Variants in SVOP observed in about 807,000 individuals in gnomAD.
SVOP encodes the protein synaptic vesicle 2-related protein.
Under a neutral mutation model 69.1 loss-of-function variants are expected in SVOP, and 17 were observed. The ratio of observed to expected loss-of-function variants is 0.25; its 90% CI spans 0.17 to 0.37. The LOEUF is 0.37. SVOP is among the 10% of genes least tolerant of loss of function. SVOP has a pLI of 1.00. For missense variants in SVOP, 435 were observed against 597.5 expected (o/e 0.73, Z 2.84); for synonymous variants, 238 against 238.6 (o/e 1.00, Z 0.02).
Position 108,938,772 on chromosome 12 carries a change from C to G in SVOP, c.897+55G>C, listed in dbSNP as rs1010409967. 13 of 1,611,496 alleles carry G rather than the reference C, an allele frequency of 8.1e-6. No homozygotes were observed. The African/African-American group carries it at 1.3e-4, about 17-fold the overall frequency. On this transcript the variant is annotated intron_variant, in intron 9 of 15. Coordinates refer to ENST00000610966, the MANE Select transcript of SVOP (RefSeq NM_018711.5). ...ATGCCCTACTCCATATGCACACACTCCCCTGCATGCACCCCGATACGCACA... is the reference window on the plus strand; with the variant it reads ...ATGCCCTACTCCATATGCACACACTGCCCTGCATGCACCCCGATACGCACA...
Position 109,020,932 on chromosome 12 carries a change from C to T in SVOP, c.-64G>A. 1.4e-6 allele frequency: 1 copy of T among 701,722 alleles called. No individual in the cohort carries two copies. The highest frequency in any genetic ancestry group is 2.1e-5 in the Admixed American group (1 of 48,028). 43.5% of individuals were successfully genotyped at this position (701,722 alleles called of 1,614,324 possible). A position where few individuals can be genotyped will look rare whatever the true frequency, so the allele number is the denominator to read the frequency against. ...TACATGGTAGTGGTGGATGACGAGCCCTCCGGTTTTCAGCACCGGGAAGCT... is the reference window on the plus strand; with the variant it reads ...TACATGGTAGTGGTGGATGACGAGCTCTCCGGTTTTCAGCACCGGGAAGCT... On this transcript the variant is annotated 5_prime_UTR_variant, in exon 1 of 16. Transcript: ENST00000610966.
intron 4 of SVOP, 100 bp from the exon 5 acceptor site, chr12:108,972,576 G>T: frequency 8.3e-7 from 1 of 1,210,138 alleles, no homozygotes; most frequent in Non-Finnish European, 1.2e-6. Context: ...CTAGGTAACA[G>T]CAATGATCTA....
At chr12:108,938,023 C>T (rs1333592171) in intron 9 of SVOP, among the ~76,000 whole-genome samples, 2 of 152,200 alleles carry the variant, frequency 1.3e-5, no homozygotes, top group Middle Eastern at 3.2e-3. Context: ...GGCTTCTGCA[C>T]CTCTTGAGGA....
At position 109,020,808 on chromosome 12, in the gene SVOP, C is replaced by G. The variant is rs1159881109; in HGVS notation, c.35+26G>C. On this transcript the variant is annotated intron_variant, in intron 1 of 15. Coordinates refer to ENST00000610966, the MANE Select transcript of SVOP (RefSeq NM_018711.5). ...GTTTTTTAAAAGAAAGCCTGTCTGC[C>G]TCTTGCTCGCCCCCATGATACTCAC... is the stretch of plus-strand genomic sequence containing the variant. 8.1e-6 allele frequency: 4 copies of G among 492,916 alleles called. No homozygotes were observed. In the East Asian group the frequency reaches 2.4e-4, roughly 29 times the overall value. The allele number at this position is 492,916 out of a possible 1,614,324, so 30.5% of individuals were successfully genotyped here. A position where few individuals can be genotyped will look rare whatever the true frequency, so the allele number is the denominator to read the frequency against.
At chr12:108,937,385 A>AT in intron 9 of SVOP, 48 bp from the exon 10 acceptor site, 2 of 1,585,600 alleles carry the variant, frequency 1.3e-6, no homozygotes, top group Non-Finnish European at 1.7e-6. Context: ...CTACAGATGC[A>AT]CGGGAGATGG....
At chr12:108,919,877 T>G (rs2039738320) in intron 12 of SVOP, 91 bp from the exon 13 acceptor site, 29 of 834,278 alleles carry the variant, frequency 3.5e-5, no homozygotes, top group Non-Finnish European at 5.0e-5. Flanking sequence ...TCCCCTCCCC[T>G]GGAGGGTGGA....
chr12:108,985,078 T>A (rs1437998335), intron 1 of SVOP, among the ~76,000 whole-genome samples: 3 of 151,506 alleles, frequency 2.0e-5, no homozygotes, highest in East Asian at 3.9e-4. Context: ...AAGAAAAAAA[T>A]TAGTTGGACA....
At chr12:108,942,772 G>C (rs1235290592) in intron 7 of SVOP, among the ~76,000 whole-genome samples, 1 of 152,162 alleles carries the variant, frequency 6.6e-6, no homozygotes. Flanking sequence ...TTTGTTTGTT[G>C]TTGTTGTTTT....
intron 1 of SVOP, among the ~76,000 whole-genome samples, chr12:109,010,116 CCT>C (rs1424660507): frequency 1.4e-5 from 2 of 143,272 alleles, no homozygotes; most frequent in Non-Finnish European, 3.1e-5. Flanking sequence ...AGAGAGAGAC[CCT>C]CTCTCTCTCA....
At chr12:109,008,502 G>A (rs2040322309) in intron 1 of SVOP, among the ~76,000 whole-genome samples, 1 of 152,090 alleles carries the variant, frequency 6.6e-6, no homozygotes, top group South Asian at 2.1e-4. Context: ...GCATTTTTCT[G>A]CCATCCCCGT....
chr12:108,934,371 C>G, intron 10 of SVOP, 100 bp from the exon 11 acceptor site: 2 of 987,232 alleles, frequency 2.0e-6, no homozygotes, highest in Non-Finnish European at 3.0e-6. Flanking sequence ...GCAGCAGGGA[C>G]CAGTCTTTGG....
chr12:109,012,399 G>C (rs989136294), intron 1 of SVOP, among the ~76,000 whole-genome samples: 1 of 152,076 alleles, frequency 6.6e-6, no homozygotes, highest in African/African-American at 2.4e-5. Flanking sequence ...GCTAAGAAAG[G>C]AGATTTTAAG....
rs77177844 is a variant in SVOP, at chr12:109,009,054, C to T, written c.35+11780G>A. 1.6e-3 allele frequency among the ~76,000 whole-genome samples: 241 copies of T among 150,340 alleles called. 1 individual carries two copies. The highest frequency in any genetic ancestry group is 5.7e-3 in the African/African-American group (231 of 40,762). ...TCCGCTCACTGCAGCGTCTGCTTCC[C>T]GGGTTCAAGAGATTCTCATGCTTCA... is the stretch of plus-strand genomic sequence containing the variant. On this transcript the variant is annotated intron_variant, in intron 1 of 15. Coordinates refer to ENST00000610966, the MANE Select transcript of SVOP (RefSeq NM_018711.5).
At position 108,922,775 on chromosome 12, in the gene SVOP, T is replaced by C. The variant is rs1427472727; in HGVS notation, c.1071A>G (p.Val357=). 5 of 1,609,254 alleles carry C rather than the reference T, an allele frequency of 3.1e-6. No homozygotes were observed. The African/African-American group carries it at 5.3e-5, about 17-fold the overall frequency. ...VCGISSRKKA[V]EAKCSLACEY... is the part of the protein sequence containing the mutation. ...CGCAGGCCAGGCTGCATTTTGCCTC[T>C]ACAGCCTTCTTCCGACTGGAGACTG... The change falls in exon 12 of 16, where the codon GTA becomes GTG. Residue 357 remains valine, a synonymous_variant. Transcript: ENST00000610966.
Position 108,983,667 on chromosome 12 carries a change from C to A in SVOP, c.130G>T (p.Gly44Cys). ...HEVQIEGVHVGLEAVELDDGA... is the reference protein window; with the variant it reads ...HEVQIEGVHVCLEAVELDDGA... ...TCATCCAGCTCCACAGCCTCTAGGC[C>A]CACGTGGACCCCTTCAATCTGGACT... is the stretch of plus-strand genomic sequence containing the variant. Residue 44 changes from glycine to cysteine, a missense_variant, in exon 2 of 16, where the codon GGC (glycine) becomes TGC (cysteine). By Grantham distance (159) the Gly-to-Cys change is radical. Coordinates refer to ENST00000610966, the MANE Select transcript of SVOP (RefSeq NM_018711.5). The A allele has an allele frequency of 2.5e-6, 1 of 398,832 alleles. No homozygotes were observed. Among genetic ancestry groups the A allele is most frequent in the Non-Finnish European group, 4.4e-6 (1 of 226,216 alleles). 24.7% of individuals were successfully genotyped at this position (398,832 alleles called of 1,614,324 possible). A position where few individuals can be genotyped will look rare whatever the true frequency, so the allele number is the denominator to read the frequency against.
intron 6 of SVOP, among the ~76,000 whole-genome samples, chr12:108,949,611 T>C (rs906699556): frequency 6.6e-6 from 1 of 152,126 alleles, no homozygotes; most frequent in African/African-American, 2.4e-5. Context: ...AATAAATACA[T>C]AAATTTAACT....
At chr12:108,934,323 C>T (rs1424369874) in intron 10 of SVOP, 52 bp from the exon 11 acceptor site, 1 of 1,489,614 alleles carries the variant, frequency 6.7e-7, no homozygotes, top group African/African-American at 1.4e-5. Context: ...AACACCAGTC[C>T]CCTTTCCCTA....
intron 1 of SVOP, among the ~76,000 whole-genome samples, chr12:108,987,024 A>G (rs1377344795): frequency 6.6e-6 from 1 of 152,108 alleles, no homozygotes; most frequent in Non-Finnish European, 1.5e-5. Context: ...AAAATTTGCC[A>G]TTTTAACCAT....
intron 5 of SVOP, among the ~76,000 whole-genome samples, chr12:108,970,369 T>C (rs1368124288): frequency 2.6e-5 from 4 of 152,254 alleles, no homozygotes; most frequent in Non-Finnish European, 5.9e-5. Context: ...GTTAGAGTGA[T>C]AATAGCACCT....
Sources: gnomAD v4.1 joint callset for allele counts (sites outside exome capture counted in the v4.1 genomes callset) on GRCh38, gnomAD v4.1.1 for gene constraint, MANE v1.5 for transcripts, NCBI Gene and HGNC (gene_info 2026-07-23, HGNC 2026-07-21) for gene names.